CNTN5: variants seen among roughly 807,000 people sequenced by gnomAD.
CNTN5 encodes contactin 5, also known as contactin-5.
Under a neutral mutation model 129.1 loss-of-function variants are expected in CNTN5, and 77 were observed. That is an observed-to-expected ratio of 0.60 (90% CI 0.50 to 0.72). The LOEUF (loss-of-function observed/expected upper bound fraction) is 0.72, where lower values mean the gene tolerates loss of function less well. Ranked by LOEUF, CNTN5 falls within the 30% of genes least tolerant of loss-of-function variation. The probability of loss-of-function intolerance (pLI) is 0.00; values close to 1 mark genes in which losing one functional copy is unlikely to be tolerated. For missense variants in CNTN5, 1,478 were observed against 1,328.8 expected (o/e 1.11, Z -1.75); for synonymous variants, 509 against 465.6 (o/e 1.09, Z -1.20).
intron 9 of CNTN5, among the ~76,000 whole-genome samples, chr11:100,002,746 T>A (rs1371922148): frequency 6.6e-6 from 1 of 152,138 alleles, no homozygotes; most frequent in African/African-American, 2.4e-5. Context: ...TAGTCACTTG[T>A]CAATGATGTT....
At chr11:100,284,829 CAT>C (rs1449341959) in intron 18 of CNTN5, among the ~76,000 whole-genome samples, 1 of 152,134 alleles carries the variant, frequency 6.6e-6, no homozygotes, top group Non-Finnish European at 1.5e-5. Context: ...TATATACACA[CAT>C]GAATAAATAT....
intron 3 of CNTN5, among the ~76,000 whole-genome samples, chr11:99,655,129 G>A (rs1253596660): frequency 6.6e-6 from 1 of 151,924 alleles, no homozygotes; most frequent in African/African-American, 2.4e-5. Flanking sequence ...GTAGAATTTG[G>A]GGTCTTCAAA....
intron 2 of CNTN5, among the ~76,000 whole-genome samples, chr11:99,459,999 A>G (rs1028248395): frequency 6.6e-6 from 1 of 151,948 alleles, no homozygotes; most frequent in Non-Finnish European, 1.5e-5. Context: ...AGGAAAAAAA[A>G]CTGGGTGATT....
intron 4 of CNTN5, among the ~76,000 whole-genome samples, chr11:99,821,888 GT>G (rs1214309909): frequency 6.6e-6 from 1 of 152,156 alleles, no homozygotes; most frequent in Non-Finnish European, 1.5e-5. Flanking sequence ...TGCTAATCTA[GT>G]TTAATCCATA....
chr11:99,879,627 A>G (rs1238351444), intron 6 of CNTN5, among the ~76,000 whole-genome samples: 1 of 152,160 alleles, frequency 6.6e-6, no homozygotes, highest in East Asian at 1.9e-4. Flanking sequence ...TTTGTTTTTA[A>G]CTGTGGCTCC....
chr11:99,962,654 G>C (rs928331502), intron 8 of CNTN5, among the ~76,000 whole-genome samples: 3 of 150,426 alleles, frequency 2.0e-5, no homozygotes, highest in East Asian at 1.9e-4. Context: ...ATGATTTATA[G>C]TCATTTGGTT....
chr11:99,785,123 T>C (rs1316423962), intron 3 of CNTN5, among the ~76,000 whole-genome samples: 2 of 152,116 alleles, frequency 1.3e-5, no homozygotes, highest in Non-Finnish European at 2.9e-5. Flanking sequence ...CCTGCCCTTA[T>C]TGTGGTTTTG....
At chr11:99,146,460 C>A (rs1859790155) in intron 1 of CNTN5, among the ~76,000 whole-genome samples, 2 of 151,898 alleles carry the variant, frequency 1.3e-5, no homozygotes, top group Admixed American at 1.3e-4. Context: ...TTGCAATAAA[C>A]AAAATACCAT....
intron 7 of CNTN5, 108 bp from the exon 8 acceptor site, chr11:99,956,698 T>G (rs1450768399): frequency 2.8e-6 from 2 of 707,538 alleles, no homozygotes; most frequent in Non-Finnish European, 4.9e-6. Context: ...ATCAAATATG[T>G]ATGACCTTGC....
chr11:99,230,506 T>A (rs577450838), intron 1 of CNTN5, among the ~76,000 whole-genome samples: 1 of 152,178 alleles, frequency 6.6e-6, no homozygotes, highest in Non-Finnish European at 1.5e-5. Context: ...TAACCTTTAA[T>A]GAAGAGCTTT....
rs562893242 is a variant in CNTN5 at position 99,382,075 on chromosome 11, T to C, written c.-71+56591T>C. 3.4e-4 allele frequency among the ~76,000 whole-genome samples: 48 copies of C among 142,084 alleles called. 2 individuals carry two copies. In the South Asian group the frequency reaches 0.01, roughly 31 times the overall value. The allele number at this position is 142,084 out of a possible 152,430, so 93.2% of individuals were successfully genotyped here. On this transcript the variant is annotated intron_variant, in intron 2 of 24. Coordinates refer to ENST00000524871, the MANE Select transcript of CNTN5 (RefSeq NM_014361.4). The stretch of plus-strand genomic sequence containing the variant: ...ATTGCCTTCAAAATTTACAAATGCC[T>C]CAGGGAAAAATCATATTTACATCCT...
chr11:100,000,312 G>T (rs1219791549), intron 8 of CNTN5, among the ~76,000 whole-genome samples: 1 of 152,156 alleles, frequency 6.6e-6, no homozygotes, highest in East Asian at 1.9e-4. Context: ...CATTCCAAAT[G>T]GGAGAAATTG....
chr11:99,261,589 A>C (rs938499872), intron 1 of CNTN5, among the ~76,000 whole-genome samples: 1 of 152,070 alleles, frequency 6.6e-6, no homozygotes, highest in Non-Finnish European at 1.5e-5. Context: ...AATCCATTTC[A>C]TGTAAACAGG....
intron 2 of CNTN5, among the ~76,000 whole-genome samples, chr11:99,358,935 T>C (rs1245739046): frequency 6.6e-6 from 1 of 152,154 alleles, no homozygotes; most frequent in Admixed American, 6.5e-5. Context: ...CAAAAACAAA[T>C]TGGTCTGTTT....
intron 3 of CNTN5, among the ~76,000 whole-genome samples, chr11:99,784,805 T>TG (rs1423407998): frequency 3.4e-5 from 5 of 147,348 alleles, no homozygotes; most frequent in Non-Finnish European, 6.0e-5. Flanking sequence ...GTTTTTTTTT[T>TG]TTTTTTTTTT....
intron 9 of CNTN5, among the ~76,000 whole-genome samples, chr11:100,025,829 C>T (rs1315362140): frequency 6.6e-6 from 1 of 152,126 alleles, no homozygotes; most frequent in Non-Finnish European, 1.5e-5. Context: ...GCCTGTATCC[C>T]CATTATATTT....
At chr11:100,127,649 T>C (rs1402416238) in intron 13 of CNTN5, among the ~76,000 whole-genome samples, 3 of 125,228 alleles carry the variant, frequency 2.4e-5, no homozygotes, top group African/African-American at 1.0e-4. Context: ...CTTTCTTTCT[T>C]TCTTTTTTTT....
At chr11:99,828,708 A>G (rs1432469610) in intron 4 of CNTN5, among the ~76,000 whole-genome samples, 1 of 152,198 alleles carries the variant, frequency 6.6e-6, no homozygotes, top group Non-Finnish European at 1.5e-5. Flanking sequence ...TACATGGAAA[A>G]CTGAAAGAAC....
intron 13 of CNTN5, among the ~76,000 whole-genome samples, chr11:100,097,411 A>G (rs573835277): frequency 2.6e-5 from 4 of 152,254 alleles, no homozygotes; most frequent in African/African-American, 7.2e-5. Context: ...CAAGAATAAA[A>G]GAGGTTAGAG....
Sources: allele counts gnomAD v4.1 joint callset (sites outside exome capture counted in the v4.1 genomes callset), GRCh38; gene constraint gnomAD v4.1.1; transcripts MANE v1.5; gene names NCBI Gene and HGNC (gene_info 2026-07-23, HGNC 2026-07-21).